CEP63: variants seen among roughly 807,000 people sequenced by gnomAD.
CEP63 encodes centrosomal protein 63, also known as centrosomal protein of 63 kDa.
A neutral mutation model predicts 89.1 loss-of-function variants in CEP63; 84 were observed. That is an observed-to-expected ratio of 0.94 (90% CI 0.79 to 1.13). The LOEUF is 1.13. CEP63 is among the 50% of genes most tolerant of loss of function. The probability of loss-of-function intolerance (pLI) is 0.00; values close to 1 mark genes in which losing one functional copy is unlikely to be tolerated. For missense variants in CEP63, 838 were observed against 813.3 expected, an observed-to-expected ratio of 1.03 and a Z score of -0.37; for synonymous variants, 267 against 272.5, an observed-to-expected ratio of 0.98 and a Z score of 0.20.
intron 10 of CEP63, among the ~76,000 whole-genome samples, chr3:134,549,440 G>A (rs766588773): frequency 2.6e-5 from 4 of 152,070 alleles, no homozygotes; most frequent in Non-Finnish European, 5.9e-5. Flanking sequence ...AACATGTTTT[G>A]ATGAAAAGTT....
chr3:134,767,680 T>C, the CEP63 span, among the ~76,000 whole-genome samples: 28 of 152,332 alleles, frequency 1.8e-4, no homozygotes, highest in African/African-American at 6.0e-4. Context: ...CCACACTGAT[T>C]ATTCCAAGGT....
chr3:134,535,118 C>T (rs1950533151), intron 5 of CEP63, among the ~76,000 whole-genome samples: 1 of 152,112 alleles, frequency 6.6e-6, no homozygotes. Flanking sequence ...CCTCTCTTGA[C>T]CCGTCTCTTC....
chr3:134,684,011 GGTGCATA>G, the CEP63 span, among the ~76,000 whole-genome samples: 1 of 152,058 alleles, frequency 6.6e-6, no homozygotes, highest in East Asian at 1.9e-4. Flanking sequence ...GGAAAAATGG[GGTGCATA>G]GTAACAATCC....
chr3:134,548,440 T>C (rs1447496994), intron 9 of CEP63, among the ~76,000 whole-genome samples: 1 of 152,226 alleles, frequency 6.6e-6, no homozygotes, highest in Non-Finnish European at 1.5e-5. Flanking sequence ...CTTGTCATTG[T>C]CGTACTTATA....
chr3:134,754,153 G>T, the CEP63 span, among the ~76,000 whole-genome samples: 1 of 152,174 alleles, frequency 6.6e-6, no homozygotes, highest in African/African-American at 2.4e-5. Flanking sequence ...CTCCTGCCTT[G>T]GCTTGGCTGC....
chr3:134,574,297 C>A (rs1412633559), intron 11 of CEP63, among the ~76,000 whole-genome samples: 2 of 152,188 alleles, frequency 1.3e-5, no homozygotes, highest in African/African-American at 2.4e-5. Flanking sequence ...GTGGGCACAG[C>A]TCTAGACAGC....
At chr3:134,569,675 G>A (rs915932624), downstream of CEP63, among the ~76,000 whole-genome samples, 8 of 152,286 alleles carry the variant, frequency 5.3e-5, no homozygotes, top group South Asian at 2.1e-4. Flanking sequence ...GGTGCAAGCT[G>A]TCGGTGGATC....
chr3:134,588,996 A>G (rs1366674128), downstream of CEP63, among the ~76,000 whole-genome samples: 2 of 152,214 alleles, frequency 1.3e-5, no homozygotes, highest in Non-Finnish European at 2.9e-5. Context: ...CATCATACAA[A>G]ATGGACACAA....
the CEP63 span, among the ~76,000 whole-genome samples, chr3:134,754,785 C>A: frequency 6.6e-6 from 1 of 152,140 alleles, no homozygotes; most frequent in African/African-American, 2.4e-5. Flanking sequence ...GGGCTCCAGA[C>A]GCCACGCCCC....
At chr3:134,705,909 T>C in the CEP63 span, among the ~76,000 whole-genome samples, 120 of 152,334 alleles carry the variant, frequency 7.9e-4, 3 homozygotes, top group African/African-American at 2.5e-3. Flanking sequence ...ACTTTCTGTG[T>C]GTTAAGTGAC....
At chr3:134,587,623 G>C (rs1156463215) in exon 11 of CEP63, among the ~76,000 whole-genome samples, 2 of 152,076 alleles carry the variant, frequency 1.3e-5, no homozygotes, top group African/African-American at 2.4e-5. Flanking sequence ...CCCCTACTGG[G>C]AGGTGTCTCT....
chr3:134,522,950 C>T (rs1947808802), intron 3 of CEP63, among the ~76,000 whole-genome samples: 3 of 152,060 alleles, frequency 2.0e-5, no homozygotes, highest in Admixed American at 2.0e-4. Context: ...AATGATATTT[C>T]TGTTTTTATA....
At chr3:134,669,935 A>AT in the CEP63 span, among the ~76,000 whole-genome samples, 1 of 152,146 alleles carries the variant, frequency 6.6e-6, no homozygotes, top group South Asian at 2.1e-4. Context: ...TTGGGAAGTG[A>AT]TTGGGTCATA....
At chr3:134,687,148 A>G in the CEP63 span, among the ~76,000 whole-genome samples, 152,298 of 152,336 alleles carry the variant, frequency 1, 76,130 homozygotes, top group Non-Finnish European at 1. Context: ...CTCACTCCAG[A>G]TCACACAGCT....
the CEP63 span, among the ~76,000 whole-genome samples, chr3:134,772,963 G>A: frequency 6.6e-6 from 1 of 152,288 alleles, no homozygotes; most frequent in East Asian, 1.9e-4. Flanking sequence ...AAGGCACTGT[G>A]GTCAGTTAAC....
intron 2 of CEP63, among the ~76,000 whole-genome samples, chr3:134,499,772 C>T (rs1490054479): frequency 6.6e-6 from 1 of 151,408 alleles, no homozygotes; most frequent in Admixed American, 6.6e-5. Context: ...CCACCCTCTG[C>T]CCTTGCCTTC....
the CEP63 span, among the ~76,000 whole-genome samples, chr3:134,739,677 C>A: frequency 6.7e-6 from 1 of 149,426 alleles, no homozygotes; most frequent in Non-Finnish European, 1.5e-5. Flanking sequence ...TGTACACGAA[C>A]TTTAAAAACA....
At chr3:134,548,673 A>G (rs1309786649) in intron 9 of CEP63, among the ~76,000 whole-genome samples, 2 of 151,602 alleles carry the variant, frequency 1.3e-5, no homozygotes, top group African/African-American at 2.4e-5. Context: ...TTGTTTTTAC[A>G]TTTATTTCTG....
At chr3:134,684,439 T>G in the CEP63 span, among the ~76,000 whole-genome samples, 1 of 152,258 alleles carries the variant, frequency 6.6e-6, no homozygotes, top group Non-Finnish European at 1.5e-5. Context: ...TCTTCCACTG[T>G]CTCTTTTGAC....
Sources: gnomAD v4.1 joint callset for allele counts (sites outside exome capture counted in the v4.1 genomes callset) on GRCh38, gnomAD v4.1.1 for gene constraint, MANE v1.5 for transcripts, NCBI Gene and HGNC (gene_info 2026-07-23, HGNC 2026-07-21) for gene names.